NCAM1: variants seen among roughly 807,000 people sequenced by gnomAD.
The protein encoded by NCAM1 is neural cell adhesion molecule 1, also known as antigen recognized by monoclonal antibody 5.1H11.
NCAM1 carries 14 observed loss-of-function variants against 109.8 expected under a neutral mutation model. The observed-to-expected ratio is 0.13, with a 90% CI of 0.08 to 0.20. The LOEUF (loss-of-function observed/expected upper bound fraction) is 0.20, where lower values mean the gene tolerates loss of function less well. Ranked by LOEUF, NCAM1 falls within the 10% of genes least tolerant of loss-of-function variation. The pLI is 1.00. For missense variants in NCAM1, 774 were observed against 1,109.9 expected (o/e 0.70, Z 4.30); for synonymous variants, 418 against 442.9 (o/e 0.94, Z 0.70).
At chr11:113,250,898 A>G (rs1396701842) in intron 15 of NCAM1, among the ~76,000 whole-genome samples, 1 of 152,210 alleles carries the variant, frequency 6.6e-6, no homozygotes, top group Non-Finnish European at 1.5e-5. Context: ...CCCATGCTCA[A>G]GCAATTCTCC....
chr11:113,000,991 C>G (rs572529319), intron 1 of NCAM1, among the ~76,000 whole-genome samples: 14 of 151,982 alleles, frequency 9.2e-5, no homozygotes, highest in Non-Finnish European at 2.1e-4. Context: ...GTTTCCATGT[C>G]TTCAATGTAA....
chr11:113,273,651 G>A lies in NCAM1; in HGVS notation c.2457-1616G>A. On this transcript the variant is annotated intron_variant, in intron 19 of 19. Transcript: ENST00000316851. This position sits in a 1 kb window ranked among gnomAD's most constrained non-coding sequence, Gnocchi z 6.0. ...TGCAAAGGATGTTTTTGCAGCCCTG[G>A]GCTCTCCTGCTCCCGCCGCTGGGGC... 1 of 456,036 alleles carries A rather than the reference G, an allele frequency of 2.2e-6. No homozygotes were observed. The highest frequency in any genetic ancestry group is 4.4e-6 in the Non-Finnish European group (1 of 226,564). The allele number at this position is 456,036 out of a possible 1,614,324, so 28.2% of individuals were successfully genotyped here.
At chr11:113,093,263 A>G (rs1302734062) in intron 1 of NCAM1, among the ~76,000 whole-genome samples, 1 of 152,212 alleles carries the variant, frequency 6.6e-6, no homozygotes, top group Admixed American at 6.5e-5. Flanking sequence ...GGAGCAGGAC[A>G]TTTGATGGAA....
intron 1 of NCAM1, among the ~76,000 whole-genome samples, chr11:113,089,896 C>T (rs1939263009): frequency 6.6e-6 from 1 of 152,272 alleles, no homozygotes; most frequent in East Asian, 1.9e-4. Context: ...CACTTTTCCT[C>T]CCAAAAGTAA....
chr11:113,158,126 A>G (rs1565469608), intron 1 of NCAM1, among the ~76,000 whole-genome samples: 1 of 152,218 alleles, frequency 6.6e-6, no homozygotes, highest in Admixed American at 6.5e-5. Context: ...CATTGGTATC[A>G]CCACAAGTTC....
At chr11:113,096,038 G>A (rs1939581822) in intron 1 of NCAM1, among the ~76,000 whole-genome samples, 1 of 152,116 alleles carries the variant, frequency 6.6e-6, no homozygotes, top group African/African-American at 2.4e-5. Flanking sequence ...CAGGAATTCA[G>A]ACACAGACCT....
chr11:113,067,934 G>T (rs983570919), intron 1 of NCAM1, among the ~76,000 whole-genome samples: 2 of 134,342 alleles, frequency 1.5e-5, no homozygotes, highest in African/African-American at 5.6e-5. Flanking sequence ...TTTTTGAGAC[G>T]GAGTCTCGCT....
At chr11:113,214,859 C>A (rs905692082) in intron 8 of NCAM1, among the ~76,000 whole-genome samples, 21 of 152,176 alleles carry the variant, frequency 1.4e-4, no homozygotes, top group African/African-American at 5.1e-4. Flanking sequence ...GTGACATTGT[C>A]ATCATATCAA....
chr11:113,097,134 C>T (rs1939638650), intron 1 of NCAM1, among the ~76,000 whole-genome samples: 1 of 152,184 alleles, frequency 6.6e-6, no homozygotes. Flanking sequence ...AAAAAGCTTG[C>T]TGAAGCCTCA....
chr11:113,141,012 C>T (rs1001095130), intron 1 of NCAM1, among the ~76,000 whole-genome samples: 1 of 152,068 alleles, frequency 6.6e-6, no homozygotes, highest in Non-Finnish European at 1.5e-5. Flanking sequence ...CTGCTATCTT[C>T]CTGTTGTTCA....
chr11:113,207,960 A>G lies in NCAM1; in HGVS notation c.874A>G (p.Lys292Glu). The stretch of plus-strand genomic sequence containing the variant: ...TGAGTACATCTGCATTGCTGAGAAC[A>G]AGGCTGGCGAGCAGGATGCGACCAT... ...EAEYICIAENKAGEQDATIHL... is the reference protein window; with the variant it reads ...EAEYICIAENEAGEQDATIHL... The change falls in exon 7 of 20, where the codon AAG becomes GAG. Residue 292 changes from lysine (K) to glutamate (E), a missense_variant. Lys to Glu is a moderately conservative substitution (Grantham distance 56). Coordinates refer to ENST00000316851, the MANE Select transcript of NCAM1 (RefSeq NM_181351.5). The G allele has an allele frequency of 1.2e-6, 2 of 1,612,080 alleles. No homozygotes were observed. The highest frequency in any genetic ancestry group is 1.7e-6 in the Non-Finnish European group (2 of 1,179,166).
intron 1 of NCAM1, among the ~76,000 whole-genome samples, chr11:112,995,485 C>G (rs2134890364): frequency 6.6e-6 from 1 of 152,262 alleles, no homozygotes; most frequent in Non-Finnish European, 1.5e-5. Flanking sequence ...ATGTTTACAA[C>G]AGTACTTTTT....
intron 1 of NCAM1, among the ~76,000 whole-genome samples, chr11:113,002,471 G>A (rs956981756): frequency 6.6e-6 from 1 of 152,182 alleles, no homozygotes; most frequent in African/African-American, 2.4e-5. Context: ...TATTAAGCTT[G>A]TAGTACCTTT....
intron 9 of NCAM1, chr11:113,231,364 C>A (rs1023391558): frequency 1.5e-5 from 22 of 1,424,756 alleles, no homozygotes; most frequent in Middle Eastern, 2.0e-4. Context: ...CTTGGGGGAC[C>A]TAGCCCCAAA....
At chr11:112,994,653 A>G (rs1459558613) in intron 1 of NCAM1, among the ~76,000 whole-genome samples, 1 of 152,092 alleles carries the variant, frequency 6.6e-6, no homozygotes, top group African/African-American at 2.4e-5. Flanking sequence ...ATTAGTACCC[A>G]TTGTTGTCAG....
At chr11:113,017,196 T>C (rs527333857) in intron 1 of NCAM1, among the ~76,000 whole-genome samples, 11 of 152,270 alleles carry the variant, frequency 7.2e-5, no homozygotes, top group East Asian at 5.8e-4. Context: ...CACTCTTCGT[T>C]TACTACAGCT....
chr11:112,983,873 T>A (rs1951221362), intron 1 of NCAM1, among the ~76,000 whole-genome samples: 1 of 152,046 alleles, frequency 6.6e-6, no homozygotes, highest in African/African-American at 2.4e-5. Context: ...CATGGTCACC[T>A]TTATGTATGT....
At chr11:113,119,434 A>G (rs1393620167) in intron 1 of NCAM1, among the ~76,000 whole-genome samples, 1 of 152,170 alleles carries the variant, frequency 6.6e-6, no homozygotes, top group South Asian at 2.1e-4. Flanking sequence ...CCCTCATGTC[A>G]TCTGCACAGT....
At chr11:113,034,252 G>A (rs1952798800) in intron 1 of NCAM1, among the ~76,000 whole-genome samples, 1 of 151,906 alleles carries the variant, frequency 6.6e-6, no homozygotes, top group African/African-American at 2.4e-5. Context: ...TTCCCCTGGG[G>A]ATTTGTCCTT....
Sources: gnomAD v4.1 joint callset for allele counts (sites outside exome capture counted in the v4.1 genomes callset) on GRCh38, gnomAD v4.1.1 for gene constraint, Gnocchi (gnomAD v3.1) non-coding constraint, MANE v1.5 for transcripts, NCBI Gene and HGNC (gene_info 2026-07-23, HGNC 2026-07-21) for gene names.